TMEFF2: variants seen among roughly 807,000 people sequenced by gnomAD.
TMEFF2 encodes tomoregulin-2.
Under a neutral mutation model 53.8 loss-of-function variants are expected in TMEFF2, and 28 were observed. The observed-to-expected ratio is 0.52, with a 90% confidence interval of 0.39 to 0.71. The LOEUF is 0.71. Ranked by LOEUF, TMEFF2 falls within the 30% of genes least tolerant of loss-of-function variation. The probability of loss-of-function intolerance (pLI) is 0.00; values close to 1 mark genes in which losing one functional copy is unlikely to be tolerated. For synonymous variants in TMEFF2, 162 were observed against 166.3 expected, an observed-to-expected ratio of 0.97 and a Z score of 0.20; for missense variants, 353 against 455.2, an observed-to-expected ratio of 0.78 and a Z score of 2.04.
chr2:192,077,792 A>T (rs918570549), intron 4 of TMEFF2, among the ~76,000 whole-genome samples: 2 of 152,016 alleles, frequency 1.3e-5, no homozygotes, highest in Non-Finnish European at 2.9e-5. Flanking sequence ...ACAATTTTAT[A>T]TGTATGTATA....
intron 4 of TMEFF2, chr2:192,178,189 C>T (rs992775376): frequency 7.3e-5 from 11 of 150,918 alleles, no homozygotes; most frequent in African/African-American, 2.4e-4. Flanking sequence ...AGAAAATATA[C>T]AGAATTTTGC....
chr2:192,002,399 A>C (rs892463556), intron 5 of TMEFF2, among the ~76,000 whole-genome samples: 2 of 152,214 alleles, frequency 1.3e-5, no homozygotes, highest in African/African-American at 4.8e-5. Flanking sequence ...CATATATTAA[A>C]TAAATGCAAG....
intron 4 of TMEFF2, among the ~76,000 whole-genome samples, chr2:192,114,230 ATTATG>A (rs941486329): frequency 2.0e-5 from 3 of 151,990 alleles, no homozygotes; most frequent in Non-Finnish European, 2.9e-5. Flanking sequence ...AAAGAATCAT[ATTATG>A]TTATATGAAA....
intron 4 of TMEFF2, among the ~76,000 whole-genome samples, chr2:192,168,479 C>T (rs1041113562): frequency 6.6e-6 from 1 of 151,108 alleles, no homozygotes; most frequent in Non-Finnish European, 1.5e-5. Context: ...AAAATTACCT[C>T]AATTACAAAC....
At chr2:191,977,172 T>C (rs1330002229) in intron 7 of TMEFF2, among the ~76,000 whole-genome samples, 1 of 152,204 alleles carries the variant, frequency 6.6e-6, no homozygotes, top group Non-Finnish European at 1.5e-5. Context: ...CAGAAGAGTA[T>C]TCCATGCTGG....
intron 4 of TMEFF2, among the ~76,000 whole-genome samples, chr2:192,094,596 G>GA (rs968289505): frequency 2.0e-5 from 3 of 151,354 alleles, no homozygotes; most frequent in Admixed American, 6.6e-5. Context: ...CCCTCGGAGA[G>GA]AAAAAAAACA....
chr2:192,080,166 T>C (rs1373638364), intron 4 of TMEFF2, among the ~76,000 whole-genome samples: 2 of 152,330 alleles, frequency 1.3e-5, no homozygotes, highest in South Asian at 2.1e-4. Context: ...TAGGAACTTA[T>C]GTGGCACACA....
intron 5 of TMEFF2, among the ~76,000 whole-genome samples, chr2:192,038,464 A>T (rs916357600): frequency 7.9e-5 from 12 of 152,110 alleles, no homozygotes; most frequent in African/African-American, 2.9e-4. Flanking sequence ...TTTTTTTTTT[A>T]AACCTTTCAA....
intron 4 of TMEFF2, among the ~76,000 whole-genome samples, chr2:192,117,055 A>G (rs1040269511): frequency 1.3e-5 from 2 of 152,156 alleles, no homozygotes; most frequent in Non-Finnish European, 1.5e-5. Flanking sequence ...GATGTTTGAT[A>G]TTTGTAATGT....
At chr2:192,166,602 A>G (rs1478037478) in intron 4 of TMEFF2, among the ~76,000 whole-genome samples, 3 of 152,228 alleles carry the variant, frequency 2.0e-5, no homozygotes, top group South Asian at 2.1e-4. Context: ...GGCTTTAAGT[A>G]CCTCTAGTCT....
At chr2:192,092,038 C>T (rs986074594) in intron 4 of TMEFF2, among the ~76,000 whole-genome samples, 4 of 151,590 alleles carry the variant, frequency 2.6e-5, no homozygotes, top group Admixed American at 2.6e-4. Context: ...TAGGTACTTG[C>T]CCAGGATTTG....
chr2:192,165,783 G>A (rs895754669), intron 4 of TMEFF2, among the ~76,000 whole-genome samples: 3 of 151,734 alleles, frequency 2.0e-5, no homozygotes, highest in Non-Finnish European at 2.9e-5. Context: ...CAAAAAGAAT[G>A]CTCCCTCAGC....
intron 5 of TMEFF2, among the ~76,000 whole-genome samples, chr2:192,050,627 C>G (rs1331138562): frequency 1.3e-5 from 2 of 151,984 alleles, no homozygotes; most frequent in African/African-American, 4.8e-5. Flanking sequence ...TTACCGGCAG[C>G]TACTGCAGAG....
At chr2:192,191,382 A>G (rs1691456594) in intron 2 of TMEFF2, among the ~76,000 whole-genome samples, 1 of 152,160 alleles carries the variant, frequency 6.6e-6, no homozygotes, top group Non-Finnish European at 1.5e-5. Flanking sequence ...AATAAGTTCC[A>G]TGATTTCCAA....
At chr2:192,040,865 T>C (rs1287556849) in intron 5 of TMEFF2, among the ~76,000 whole-genome samples, 6 of 152,124 alleles carry the variant, frequency 3.9e-5, no homozygotes, top group Non-Finnish European at 8.8e-5. Context: ...CCAAAAAATT[T>C]GATGATGAAA....
At chr2:192,037,676 C>T (rs2105881944) in intron 5 of TMEFF2, among the ~76,000 whole-genome samples, 1 of 150,406 alleles carries the variant, frequency 6.6e-6, no homozygotes, top group African/African-American at 2.4e-5. Flanking sequence ...AGAGAGACCT[C>T]TGAGAATTTG....
At chr2:192,029,647 C>A (rs1233947952) in intron 5 of TMEFF2, among the ~76,000 whole-genome samples, 1 of 152,098 alleles carries the variant, frequency 6.6e-6, no homozygotes, top group East Asian at 1.9e-4. Context: ...CCATCATAAT[C>A]TTAAAAATTA....
At chr2:192,037,520 G>A (rs185729844) in intron 5 of TMEFF2, among the ~76,000 whole-genome samples, 5 of 151,692 alleles carry the variant, frequency 3.3e-5, no homozygotes, top group African/African-American at 1.2e-4. Flanking sequence ...GCAGGACCTT[G>A]TATTAGGCTG....
chr2:192,120,418 C>T (rs1689521728), intron 4 of TMEFF2, among the ~76,000 whole-genome samples: 1 of 152,156 alleles, frequency 6.6e-6, no homozygotes, highest in African/African-American at 2.4e-5. Flanking sequence ...ACATTACATG[C>T]ATGTTTACCT....
Sources: gnomAD v4.1 joint callset for allele counts (sites outside exome capture counted in the v4.1 genomes callset) on GRCh38, gnomAD v4.1.1 for gene constraint, MANE v1.5 for transcripts, NCBI Gene and HGNC (gene_info 2026-07-23, HGNC 2026-07-21) for gene names.